The following CCDC92 variants were observed in gnomAD, a reference collection of about 807,000 sequenced individuals.
CCDC92 encodes coiled-coil domain-containing protein 92.
A neutral mutation model predicts 24.9 loss-of-function variants in CCDC92; 12 were observed. That is an observed-to-expected ratio of 0.48 (90% CI 0.31 to 0.78). CCDC92 has a LOEUF of 0.78. Among genes scored for constraint, CCDC92 ranks in the 30% least tolerant of loss-of-function variants. The pLI, the probability that CCDC92 is intolerant of heterozygous loss-of-function variation, is 0.05. For missense variants in CCDC92, 399 were observed against 439.4 expected (o/e 0.91, Z 0.82); for synonymous variants, 193 against 196.3 (o/e 0.98, Z 0.14).
chr12:123,972,831 T>C lies in CCDC92; in HGVS notation c.-362A>G, dbSNP rs1566188598. 6.9e-6 allele frequency: 1 copy of C among 145,058 alleles called. No individual in the cohort carries two copies. Among genetic ancestry groups the C allele is most frequent in the Non-Finnish European group, 1.5e-5 (1 of 65,310 alleles). 9.0% of individuals were successfully genotyped at this position (145,058 alleles called of 1,614,324 possible). A position where few individuals can be genotyped will look rare whatever the true frequency, so the allele number is the denominator to read the frequency against. On this transcript the variant is annotated 5_prime_UTR_variant, in exon 1 of 5. Coordinates refer to ENST00000238156, the MANE Select transcript of CCDC92 (RefSeq NM_025140.3). ...GCCGGCGCGGCGGCGGGCCTGTGTC[T>C]GCCGGGCTGGGCGGGGGCGGCGGGC...
intron 1 of CCDC92, among the ~76,000 whole-genome samples, chr12:123,949,981 A>C (rs1170594898): frequency 2.6e-5 from 4 of 152,190 alleles, no homozygotes; most frequent in Admixed American, 1.3e-4. Flanking sequence ...AATTCTATCC[A>C]TGGACCACCT....
chr12:123,943,566 G>A, intron 2 of CCDC92, 73 bp from the exon 3 acceptor site: 1 of 1,543,190 alleles, frequency 6.5e-7, no homozygotes, highest in Admixed American at 1.7e-5. Context: ...TTGGCTCTGG[G>A]TGCAGAGGGG....
At chr12:123,967,442 T>C (rs1956419818) in intron 1 of CCDC92, among the ~76,000 whole-genome samples, 1 of 152,230 alleles carries the variant, frequency 6.6e-6, no homozygotes, top group African/African-American at 2.4e-5. Flanking sequence ...AAAGTGTATC[T>C]GCTCTCCCAC....
intron 4 of CCDC92, among the ~76,000 whole-genome samples, chr12:123,941,032 C>T (rs969429905): frequency 1.4e-5 from 2 of 142,724 alleles, no homozygotes; most frequent in African/African-American, 5.3e-5. Flanking sequence ...GGTGGGTGGG[C>T]AGGTGGCCTT....
In CCDC92 at chr12:123,954,977, G is replaced by C. The variant is rs189502090; in HGVS notation, c.-59-10613C>G. Among the ~76,000 whole-genome samples, 504 of 152,330 alleles carry C rather than the reference G, an allele frequency of 3.3e-3. 10 individuals are homozygous for C. Among genetic ancestry groups the C allele is most frequent in the Non-Finnish European group, 1.3e-3 (86 of 68,020 alleles). On this transcript the variant is annotated intron_variant, in intron 1 of 4. Coordinates refer to ENST00000238156, the MANE Select transcript of CCDC92 (RefSeq NM_025140.3). ...ACAGGCTCAGGGAGAAGTTGCTTCT[G>C]GGGGAGGAGGTGACCGATGGGGCCA...
In CCDC92 at chr12:123,970,137, C is replaced by G. The variant is rs180885561; in HGVS notation, c.-60+2392G>C. The G allele has an allele frequency of 7.0e-4, 107 of 152,210 alleles. 1 individual carries two copies. The highest frequency in any genetic ancestry group is 2.3e-3 in the African/African-American group (97 of 41,528). The allele number at this position is 152,210 out of a possible 1,614,324, so 9.4% of individuals were successfully genotyped here. ...GTGTCTGCGGATGTTGCTACGTCCACAACTCTAGAAGCCAGCATAAGAAAA... is the reference window on the plus strand; with the variant it reads ...GTGTCTGCGGATGTTGCTACGTCCAGAACTCTAGAAGCCAGCATAAGAAAA... On this transcript the variant is annotated intron_variant, in intron 1 of 4. Transcript: ENST00000238156.
At chr12:123,961,140 T>A (rs912105517) in intron 1 of CCDC92, 1 of 152,252 alleles carries the variant, frequency 6.6e-6, no homozygotes, top group Non-Finnish European at 1.5e-5. Flanking sequence ...AGGGGAAGGC[T>A]GTCCATGAAG....
chr12:123,969,040 T>G (rs1956459001), intron 1 of CCDC92, among the ~76,000 whole-genome samples: 1 of 152,244 alleles, frequency 6.6e-6, no homozygotes. Flanking sequence ...CTCTGCTTCT[T>G]AGCCACAGAC....
At chr12:123,952,890 T>A (rs187821511) in intron 1 of CCDC92, among the ~76,000 whole-genome samples, 1 of 152,256 alleles carries the variant, frequency 6.6e-6, no homozygotes, top group Admixed American at 6.5e-5. Context: ...CAAAAACAGG[T>A]GAGGTTGAGA....
rs1047655593 is a variant in CCDC92, at chr12:123,937,255, G to T, written c.799C>A (p.Pro267Thr). The change falls in exon 5 of 5, where the codon CCC (proline) becomes ACC (threonine). Residue 267 changes from proline to threonine, a missense_variant. Physicochemically the swap from Pro to Thr is conservative, Grantham distance 38. Coordinates refer to ENST00000238156, the MANE Select transcript of CCDC92 (RefSeq NM_025140.3). This position sits in a 1 kb window ranked among gnomAD's most constrained non-coding sequence, Gnocchi z 8.4. ...TCGCCGCTTCGGTCGGAGGCGATGGGGGGGATGACGAGGGGCCTCTCTTTG... is the reference window on the plus strand; with the variant it reads ...TCGCCGCTTCGGTCGGAGGCGATGGTGGGGATGACGAGGGGCCTCTCTTTG... Reference protein sequence around the residue: ...LIKERPLVIPPIASDRSGEQH... With the variant: ...LIKERPLVIPTIASDRSGEQH... 4 of 1,611,390 alleles carry T rather than the reference G, an allele frequency of 2.5e-6. No homozygotes were observed. Among genetic ancestry groups the T allele is most frequent in the Non-Finnish European group, 2.5e-6 (3 of 1,179,810 alleles).
intron 1 of CCDC92, chr12:123,966,112 T>C (rs1426155851): frequency 6.6e-6 from 1 of 152,170 alleles, no homozygotes; most frequent in African/African-American, 2.4e-5. Flanking sequence ...TTTGGTACAT[T>C]AAGTGTGTCT....
intron 4 of CCDC92, among the ~76,000 whole-genome samples, chr12:123,940,374 C>T (rs189863770): frequency 6.6e-6 from 1 of 152,220 alleles, no homozygotes; most frequent in African/African-American, 2.4e-5. Flanking sequence ...TCCTCCTCAT[C>T]ATCCTTCCTT....
At chr12:123,964,629 C>T (rs908807036) in intron 1 of CCDC92, among the ~76,000 whole-genome samples, 5 of 152,172 alleles carry the variant, frequency 3.3e-5, no homozygotes, top group African/African-American at 9.7e-5. Flanking sequence ...AATGGAACTT[C>T]CTAAATTCTT....
chr12:123,937,639 G>A lies in CCDC92; in HGVS notation c.415C>T (p.His139Tyr). ...KYLEELKAKS[H>Y]KLTLLSSELE... ...TCGCTAGACAGCAGGGTCAGCTTGTGACTCTTGGCCTTCAGCTCCTCCAGG... is the reference window on the plus strand; with the variant it reads ...TCGCTAGACAGCAGGGTCAGCTTGTAACTCTTGGCCTTCAGCTCCTCCAGG... Residue 139 changes from histidine (H) to tyrosine (Y), a missense_variant, in exon 5 of 5, where the codon CAC becomes TAC. Physicochemically the swap from His to Tyr is moderately conservative, Grantham distance 83. Coordinates refer to ENST00000238156, the MANE Select transcript of CCDC92 (RefSeq NM_025140.3). This position sits in a 1 kb window ranked among gnomAD's most constrained non-coding sequence, Gnocchi z 8.4. The A allele has an allele frequency of 1.2e-6, 2 of 1,613,936 alleles. No individual in the cohort carries two copies. Among genetic ancestry groups the A allele is most frequent in the Non-Finnish European group, 1.7e-6 (2 of 1,180,024 alleles).
At chr12:123,959,805 G>A (rs1194267168) in intron 1 of CCDC92, among the ~76,000 whole-genome samples, 1 of 141,274 alleles carries the variant, frequency 7.1e-6, no homozygotes, top group Non-Finnish European at 1.5e-5. Flanking sequence ...GAATTAAAAT[G>A]TACTGTCCCC....
intron 1 of CCDC92, among the ~76,000 whole-genome samples, chr12:123,955,404 A>G (rs565415559): frequency 1.3e-5 from 2 of 152,356 alleles, no homozygotes; most frequent in South Asian, 4.1e-4. Context: ...CCAAATCATC[A>G]TTCATCCTAA....
At chr12:123,957,604 G>A (rs770883750) in intron 1 of CCDC92, among the ~76,000 whole-genome samples, 1 of 151,242 alleles carries the variant, frequency 6.6e-6, no homozygotes, top group Non-Finnish European at 1.5e-5. Context: ...ATGAGAAGCT[G>A]AAAATCATTA....
intron 1 of CCDC92, among the ~76,000 whole-genome samples, chr12:123,948,529 G>A (rs1341183484): frequency 2.6e-5 from 4 of 152,210 alleles, no homozygotes; most frequent in Admixed American, 2.0e-4. Context: ...ACCATGTAAC[G>A]CGCAGAGCTC....
chr12:123,956,240 A>C (rs1327905245), intron 1 of CCDC92: 1 of 152,214 alleles, frequency 6.6e-6, no homozygotes, highest in Non-Finnish European at 1.5e-5. Flanking sequence ...CCTAAGTACC[A>C]ATATTTTTAA....
Sources: gnomAD v4.1 joint callset for allele counts (sites outside exome capture counted in the v4.1 genomes callset) on GRCh38, gnomAD v4.1.1 for gene constraint, Gnocchi (gnomAD v3.1) non-coding constraint, MANE v1.5 for transcripts, NCBI Gene and HGNC (gene_info 2026-07-23, HGNC 2026-07-21) for gene names.